GRM3: variants seen among roughly 807,000 people sequenced by gnomAD.
The protein encoded by GRM3 is metabotropic glutamate receptor 3.
A neutral mutation model predicts 70.5 loss-of-function variants in GRM3; 26 were observed. That is an observed-to-expected ratio of 0.37 (90% CI 0.27 to 0.51). The LOEUF (loss-of-function observed/expected upper bound fraction) is 0.51, where lower values mean the gene tolerates loss of function less well. Ranked by LOEUF, GRM3 falls within the 20% of genes least tolerant of loss-of-function variation. The pLI is 0.93. For missense variants in GRM3, 859 were observed against 1,123.8 expected (o/e 0.76, Z 3.37); for synonymous variants, 443 against 434.9 (o/e 1.02, Z -0.23).
chr7:86,697,414 G>A lies in GRM3; in HGVS notation c.-141+52542G>A, dbSNP rs566837204. Among the ~76,000 whole-genome samples the A allele has an allele frequency of 2.6e-5, 4 of 152,164 alleles. No individual in the cohort carries two copies. In the South Asian group the frequency reaches 8.3e-4, roughly 32 times the overall value. On this transcript the variant is annotated intron_variant, in intron 1 of 5. Coordinates refer to ENST00000361669, the MANE Select transcript of GRM3 (RefSeq NM_000840.3). ...GAAAATATTTACAATAATAAAGCAAGGTCAGTTTTTGGAGACACTTAACTG... is the reference window on the plus strand; with the variant it reads ...GAAAATATTTACAATAATAAAGCAAAGTCAGTTTTTGGAGACACTTAACTG...
intron 1 of GRM3, among the ~76,000 whole-genome samples, chr7:86,683,434 A>G (rs577252641): frequency 6.6e-6 from 1 of 152,334 alleles, no homozygotes; most frequent in African/African-American, 2.4e-5. Flanking sequence ...AGAAGAATCT[A>G]TTCATTGAGG....
At chr7:86,756,794 T>G (rs1454930088) in intron 1 of GRM3, among the ~76,000 whole-genome samples, 1 of 152,182 alleles carries the variant, frequency 6.6e-6, no homozygotes, top group African/African-American at 2.4e-5. Flanking sequence ...GTATTTTCTC[T>G]CATTCATCTC....
intron 1 of GRM3, among the ~76,000 whole-genome samples, chr7:86,746,956 G>C (rs1290258612): frequency 6.6e-6 from 1 of 152,114 alleles, no homozygotes; most frequent in Non-Finnish European, 1.5e-5. Flanking sequence ...TGGACAACAT[G>C]TTCAAAGAGG....
intron 1 of GRM3, among the ~76,000 whole-genome samples, chr7:86,651,390 G>C (rs1793602762): frequency 6.6e-6 from 1 of 152,108 alleles, no homozygotes; most frequent in African/African-American, 2.4e-5. Context: ...AGTAATATTT[G>C]CTTAACAGTT....
intron 3 of GRM3, among the ~76,000 whole-genome samples, chr7:86,836,697 TTC>T (rs2116729488): frequency 6.6e-6 from 1 of 152,348 alleles, no homozygotes; most frequent in Admixed American, 6.5e-5. Flanking sequence ...TTTCATGAAG[TTC>T]TTTTTATTAC....
Position 86,787,007 on chromosome 7 carries a change from C to A in GRM3, c.1215C>A (p.His405Gln), listed in dbSNP as rs746123373. ...TGTATGCCATGGCCCACGCTTTGCA[C>A]AAAATGCAGCGCACCCTCTGTCCCA... ...NAVYAMAHAL[H>Q]KMQRTLCPNT... Residue 405 changes from histidine to glutamine, a missense_variant, in exon 3 of 6, where the codon CAC (histidine) becomes CAA (glutamine). Transcript: ENST00000361669. 2 of 1,613,760 alleles carry A rather than the reference C, an allele frequency of 1.2e-6. No individual in the cohort carries two copies. Among genetic ancestry groups the A allele is most frequent in the Non-Finnish European group, 1.7e-6 (2 of 1,179,844 alleles).
At chr7:86,757,801 A>C (rs1358859516) in intron 1 of GRM3, among the ~76,000 whole-genome samples, 2 of 152,096 alleles carry the variant, frequency 1.3e-5, no homozygotes, top group Non-Finnish European at 2.9e-5. Context: ...CAAAGATCAT[A>C]GTTTGCTTCA....
intron 4 of GRM3, among the ~76,000 whole-genome samples, chr7:86,849,433 T>TA (rs149141971): frequency 0.1 from 15,294 of 152,110 alleles, 1,288 homozygotes; most frequent in African/African-American, 0.23. Flanking sequence ...GAATTTTTTT[T>TA]AAAAATCAAA....
At chr7:86,653,226 A>G (rs1347578065) in intron 1 of GRM3, among the ~76,000 whole-genome samples, 1 of 152,158 alleles carries the variant, frequency 6.6e-6, no homozygotes, top group Non-Finnish European at 1.5e-5. Context: ...ATGAGGGCCA[A>G]ACTCTGATGG....
chr7:86,717,795 A>C (rs77679689), intron 1 of GRM3, among the ~76,000 whole-genome samples: 4,671 of 152,058 alleles, frequency 0.031, 88 homozygotes, highest in East Asian at 0.063. Context: ...TGAAATATTA[A>C]AGAACAGGTA....
At chr7:86,757,869 C>T (rs1376777177) in intron 1 of GRM3, among the ~76,000 whole-genome samples, 2 of 152,016 alleles carry the variant, frequency 1.3e-5, no homozygotes, top group Non-Finnish European at 2.9e-5. Flanking sequence ...AGTTAACAGT[C>T]CAATATCTGT....
chr7:86,765,585 G>A lies in GRM3; in HGVS notation c.440G>A (p.Gly147Asp), dbSNP rs2116417451. 6.2e-7 allele frequency: 1 copy of A among 1,613,422 alleles called. No homozygotes were observed. Among genetic ancestry groups the A allele is most frequent in the Non-Finnish European group, 8.5e-7 (1 of 1,179,598 alleles). ...NIPLLIAGVI[G>D]GSYSSVSIQV... is the part of the protein sequence containing the mutation. ...CCACTTCTCATTGCAGGGGTCATTG[G>A]TGGCTCTTATAGCAGTGTTTCCATA... Residue 147 changes from glycine (G) to aspartate (D), a missense_variant, in exon 2 of 6, where the codon GGT becomes GAT. Coordinates refer to ENST00000361669, the MANE Select transcript of GRM3 (RefSeq NM_000840.3).
intron 3 of GRM3, among the ~76,000 whole-genome samples, chr7:86,791,738 T>C (rs1222926605): frequency 1.3e-5 from 2 of 152,234 alleles, no homozygotes; most frequent in African/African-American, 2.4e-5. Flanking sequence ...AATAGGTTTA[T>C]AGTATGTTTC....
chr7:86,715,134 T>C (rs1795285135), intron 1 of GRM3, among the ~76,000 whole-genome samples: 1 of 152,008 alleles, frequency 6.6e-6, no homozygotes, highest in Non-Finnish European at 1.5e-5. Context: ...CAGGTGTCAT[T>C]CTGTGTTTGT....
chr7:86,714,716 A>T (rs921299497), intron 1 of GRM3, among the ~76,000 whole-genome samples: 5 of 152,026 alleles, frequency 3.3e-5, no homozygotes, highest in African/African-American at 1.2e-4. Context: ...CCAAACTCCC[A>T]AACAGTATAG....
intron 1 of GRM3, among the ~76,000 whole-genome samples, chr7:86,725,465 T>A (rs1176208771): frequency 6.6e-6 from 1 of 152,120 alleles, no homozygotes; most frequent in East Asian, 1.9e-4. Context: ...AGGCGGAGGC[T>A]GCATCTTTCA....
Position 86,864,530 on chromosome 7 carries a change from G to T in GRM3, c.*175G>T, listed in dbSNP as rs1799024824. 1.8e-6 allele frequency: 1 copy of T among 561,110 alleles called. No individual in the cohort carries two copies. The highest frequency in any genetic ancestry group is 1.9e-5 in the African/African-American group (1 of 53,316). 34.8% of individuals were successfully genotyped at this position (561,110 alleles called of 1,614,324 possible). On this transcript the variant is annotated 3_prime_UTR_variant, in exon 6 of 6. Coordinates refer to ENST00000361669, the MANE Select transcript of GRM3 (RefSeq NM_000840.3). ...GTGATGTGCTAGAACTTTCTAGGCT[G>T]AGTCTAGTGCCCCTATTATTAACAA...
At chr7:86,824,509 A>G (rs983103898) in intron 3 of GRM3, among the ~76,000 whole-genome samples, 2 of 152,134 alleles carry the variant, frequency 1.3e-5, no homozygotes, top group Non-Finnish European at 2.9e-5. Flanking sequence ...TAGTACTTGG[A>G]TGAGAATTTG....
chr7:86,686,837 T>C (rs576066638), intron 1 of GRM3, among the ~76,000 whole-genome samples: 2 of 152,090 alleles, frequency 1.3e-5, no homozygotes, highest in South Asian at 4.1e-4. Context: ...TTATAAAATA[T>C]ATTTTTAAAT....
Sources: allele counts gnomAD v4.1 joint callset (sites outside exome capture counted in the v4.1 genomes callset), GRCh38; gene constraint gnomAD v4.1.1; transcripts MANE v1.5; gene names NCBI Gene and HGNC (gene_info 2026-07-23, HGNC 2026-07-21).